Variants in FGF12 observed in about 807,000 individuals in gnomAD.
The protein encoded by FGF12 is fibroblast growth factor 12B.
Under a neutral mutation model 23.6 loss-of-function variants are expected in FGF12, and 14 were observed. The observed-to-expected ratio is 0.59, with a 90% CI of 0.39 to 0.93. The LOEUF (loss-of-function observed/expected upper bound fraction) is 0.93. Among genes scored for constraint, FGF12 ranks in the 40% least tolerant of loss-of-function variants. The pLI is 0.00. For synonymous variants in FGF12, 62 were observed against 77.3 expected (o/e 0.80, Z 1.04); for missense variants, 175 against 217.8 (o/e 0.80, Z 1.24).
intron 2 of FGF12, among the ~76,000 whole-genome samples, chr3:192,396,567 T>A (rs1720531304): frequency 6.6e-6 from 1 of 152,216 alleles, no homozygotes; most frequent in Admixed American, 6.5e-5. Flanking sequence ...CTTATTTCTT[T>A]CTTCCATGAG....
chr3:192,640,795 T>G (rs369956197), intron 2 of FGF12, among the ~76,000 whole-genome samples: 15 of 150,134 alleles, frequency 1.0e-4, no homozygotes, highest in Admixed American at 4.6e-4. Flanking sequence ...AACCCCTTTT[T>G]TTTGTTTGTT....
At chr3:192,176,133 G>A (rs532687987) in intron 4 of FGF12, among the ~76,000 whole-genome samples, 18 of 152,206 alleles carry the variant, frequency 1.2e-4, no homozygotes, top group East Asian at 3.9e-4. Context: ...ATCTTTTCAG[G>A]TTTGACTCCC....
intron 2 of FGF12, among the ~76,000 whole-genome samples, chr3:192,648,818 A>G (rs910794701): frequency 2.4e-4 from 37 of 152,340 alleles, no homozygotes; most frequent in African/African-American, 8.7e-4. Flanking sequence ...AAGGCTTTCC[A>G]TTGAGTAACA....
At position 192,606,084 on chromosome 3, in the gene FGF12, C is replaced by T. The variant is rs139605444; in HGVS notation, c.13+121097G>A. On this transcript the variant is annotated intron_variant, in intron 2 of 5. Transcript: ENST00000445105. ...CCCATGCACTCATATATGTTCATCA[C>T]AGCACTATTCACAATAGCAAACACA... Among the ~76,000 whole-genome samples the T allele has an allele frequency of 4.1e-3, 631 of 152,272 alleles. 9 individuals are homozygous for T. Among genetic ancestry groups the T allele is most frequent in the Admixed American group, 0.014 (216 of 15,294 alleles).
At chr3:192,657,966 C>T (rs77786221) in intron 2 of FGF12, among the ~76,000 whole-genome samples, 4,780 of 121,870 alleles carry the variant, frequency 0.039, 276 homozygotes, top group African/African-American at 0.13. Flanking sequence ...ATGAGTACCA[C>T]GAGACTATTT....
chr3:192,371,799 T>TA (rs925701272), intron 2 of FGF12, among the ~76,000 whole-genome samples: 2 of 152,194 alleles, frequency 1.3e-5, no homozygotes. Context: ...TCACTAGTGC[T>TA]AAATTACAGA....
intron 2 of FGF12, among the ~76,000 whole-genome samples, chr3:192,626,056 T>C (rs746155139): frequency 1.3e-5 from 2 of 152,202 alleles, no homozygotes; most frequent in Admixed American, 6.5e-5. Flanking sequence ...AGTGCTGCAA[T>C]GCATAAAGTC....
rs548783333 is a variant in FGF12 at position 192,683,550 on chromosome 3, T to G, written c.13+43631A>C. Among the ~76,000 whole-genome samples the G allele has an allele frequency of 4.6e-5, 7 of 152,290 alleles. No homozygotes were observed. In the East Asian group the frequency reaches 1.2e-3, roughly 25 times the overall value. On this transcript the variant is annotated intron_variant, in intron 2 of 5. Transcript: ENST00000445105. The stretch of plus-strand genomic sequence containing the variant: ...TTCAAGATGTCAAAGAGGACACACT[T>G]GTCTGCACCAGCACCTCCTAACAGG...
intron 2 of FGF12, among the ~76,000 whole-genome samples, chr3:192,655,283 T>C (rs1175074884): frequency 6.6e-6 from 1 of 152,182 alleles, no homozygotes; most frequent in African/African-American, 2.4e-5. Flanking sequence ...TGTAGATAGG[T>C]GTTAAAATTT....
intron 4 of FGF12, among the ~76,000 whole-genome samples, chr3:192,177,842 C>G (rs576931757): frequency 6.6e-6 from 1 of 152,328 alleles, no homozygotes; most frequent in South Asian, 2.1e-4. Flanking sequence ...GCTCCCTTGA[C>G]TACCTTACAT....
At position 192,334,315 on chromosome 3, in the gene FGF12, G is replaced by T. The variant is rs1247111798; in HGVS notation, c.228+1046C>A. 2.0e-5 allele frequency among the ~76,000 whole-genome samples: 3 copies of T among 152,044 alleles called. No homozygotes were observed. The East Asian group carries it at 5.8e-4, about 29-fold the overall frequency. ...AATTTCTGAGCTCCAAGGTACCAGA[G>T]TTTTGTTTAATTGAACATTGGAAGA... On this transcript the variant is annotated intron_variant, in intron 4 of 5. Transcript: ENST00000445105.
intron 2 of FGF12, among the ~76,000 whole-genome samples, chr3:192,639,816 T>A (rs534073312): frequency 6.6e-6 from 1 of 152,302 alleles, no homozygotes; most frequent in South Asian, 2.1e-4. Context: ...GATTTGGTAT[T>A]CTTGGGAGGT....
At chr3:192,302,373 G>A (rs1715396091) in intron 4 of FGF12, among the ~76,000 whole-genome samples, 1 of 152,214 alleles carries the variant, frequency 6.6e-6, no homozygotes, top group South Asian at 2.1e-4. Flanking sequence ...TAAGGAGTCA[G>A]ACATATAATT....
chr3:192,464,030 G>C (rs1722936953), intron 2 of FGF12, among the ~76,000 whole-genome samples: 1 of 152,070 alleles, frequency 6.6e-6, no homozygotes. Flanking sequence ...CAAATTAGAG[G>C]CACGTGAGAA....
intron 2 of FGF12, among the ~76,000 whole-genome samples, chr3:192,604,308 A>T (rs1035638924): frequency 2.0e-5 from 3 of 152,208 alleles, no homozygotes; most frequent in Non-Finnish European, 4.4e-5. Context: ...GAGGTGACGT[A>T]CATCCTCAGC....
intron 4 of FGF12, among the ~76,000 whole-genome samples, chr3:192,313,791 T>C (rs1716082760): frequency 6.6e-6 from 1 of 152,222 alleles, no homozygotes; most frequent in Non-Finnish European, 1.5e-5. Flanking sequence ...TTTCTCTCTC[T>C]CTTTCTTGCC....
chr3:192,460,057 AT>A (rs1560117799), intron 2 of FGF12, among the ~76,000 whole-genome samples: 1 of 152,200 alleles, frequency 6.6e-6, no homozygotes, highest in African/African-American at 2.4e-5. Context: ...TATGGGGATA[AT>A]GCAAATACTT....
At chr3:192,335,557 A>G in intron 3 of FGF12, 93 bp from the exon 4 acceptor site, 1 of 798,764 alleles carries the variant, frequency 1.3e-6, no homozygotes, top group Non-Finnish European at 2.1e-6. Context: ...AAAACCTATT[A>G]ATTGAACTTG....
chr3:192,555,327 A>G (rs1711714979), intron 2 of FGF12, among the ~76,000 whole-genome samples: 1 of 152,218 alleles, frequency 6.6e-6, no homozygotes, highest in Non-Finnish European at 1.5e-5. Flanking sequence ...GGGAGGCTCA[A>G]TAAGACTATC....
Sources: allele counts gnomAD v4.1 joint callset (sites outside exome capture counted in the v4.1 genomes callset), GRCh38; gene constraint gnomAD v4.1.1; transcripts MANE v1.5; gene names NCBI Gene and HGNC (gene_info 2026-07-23, HGNC 2026-07-21).